The following DNAJB2 variants were observed in gnomAD, a reference collection of about 807,000 sequenced individuals.
DNAJB2 encodes the protein dnaJ homolog subfamily B member 2.
A neutral mutation model predicts 33.3 loss-of-function variants in DNAJB2; 19 were observed. That is an observed-to-expected ratio of 0.57 (90% CI 0.40 to 0.84). The LOEUF (loss-of-function observed/expected upper bound fraction) is 0.84. Ranked by LOEUF, DNAJB2 falls within the 40% of genes least tolerant of loss-of-function variation. DNAJB2 has a pLI of 0.00. For synonymous variants in DNAJB2, 172 were observed against 164.6 expected (o/e 1.04, Z -0.34); for missense variants, 368 against 430.9 (o/e 0.85, Z 1.29).
intron 3 of DNAJB2, 200 bp from the exon 4 acceptor site, chr2:219,281,518 C>G (rs1951903753): frequency 1.6e-6 from 1 of 619,366 alleles, no homozygotes; most frequent in Admixed American, 2.9e-5. Flanking sequence ...CAGCCATTTT[C>G]CAGATGAGAA....
Position 219,284,693 on chromosome 2 carries a change from C to A in DNAJB2, c.681C>A (p.Val227=). 1 of 1,610,900 alleles carries A rather than the reference C, an allele frequency of 6.2e-7. No individual in the cohort carries two copies. The highest frequency in any genetic ancestry group is 1.1e-5 in the South Asian group (1 of 90,996). The change falls in exon 9 of 9, where the codon GTC becomes GTA. Residue 227 remains valine (V), a synonymous_variant. Coordinates refer to ENST00000336576, the MANE Select transcript of DNAJB2 (RefSeq NM_006736.6). The stretch of plus-strand genomic sequence containing the variant: ...GCCGTCGCGAGCAGCAGCCGTCAGT[C>A]ACTTCCAGGTCTGGGGGCACTCAGG... ...ELSRREQQPS[V]TSRSGGTQVQ...
rs117458162 is a variant in DNAJB2 at position 219,280,560 on chromosome 2, T to C, written c.66-18T>C. ...GCATTTGTCCCCCGACTCTCTCCTCTGCACCCACTTTCTGCAGGTATCGGC... is the reference window on the plus strand; with the variant it reads ...GCATTTGTCCCCCGACTCTCTCCTCCGCACCCACTTTCTGCAGGTATCGGC... On this transcript the variant is annotated intron_variant, in intron 2 of 8. Coordinates refer to ENST00000336576, the MANE Select transcript of DNAJB2 (RefSeq NM_006736.6). The C allele has an allele frequency of 6.6e-5, 106 of 1,604,772 alleles. No homozygotes were observed. The East Asian group carries it at 2.2e-3, about 33-fold the overall frequency.
chr2:219,285,658 T>A lies in DNAJB2; in HGVS notation c.*671T>A, dbSNP rs981143973. ...CTGGGGCCGGTAGGGCTGTGAGATC[T>A]TCTGGGGAGGCTAGCCGGGTGGGGC... On this transcript the variant is annotated 3_prime_UTR_variant, in exon 9 of 9. Coordinates refer to ENST00000336576, the MANE Select transcript of DNAJB2 (RefSeq NM_006736.6). 1 of 1,159,976 alleles carries A rather than the reference T, an allele frequency of 8.6e-7. No individual in the cohort carries two copies. Among genetic ancestry groups the A allele is most frequent in the Non-Finnish European group, 1.1e-6 (1 of 938,874 alleles). The allele number at this position is 1,159,976 out of a possible 1,614,324, so 71.9% of individuals were successfully genotyped here.
rs1951950861 is a variant in DNAJB2, at chr2:219,285,884, G to A, written c.*897G>A. On this transcript the variant is annotated 3_prime_UTR_variant, in exon 9 of 9. Coordinates refer to ENST00000336576, the MANE Select transcript of DNAJB2 (RefSeq NM_006736.6). Reference sequence around the variant, plus strand: ...CTTCCCTACCACAAATCAGGGCTCAGGGAGAGGCCATGCGGCCAGCCCAGG... The same window carrying A: ...CTTCCCTACCACAAATCAGGGCTCAAGGAGAGGCCATGCGGCCAGCCCAGG... The A allele has an allele frequency of 6.4e-7, 1 of 1,552,554 alleles. No individual in the cohort carries two copies. Among genetic ancestry groups the A allele is most frequent in the Non-Finnish European group, 8.7e-7 (1 of 1,151,002 alleles).
chr2:219,279,655 G>T lies in DNAJB2; in HGVS notation c.-37+137G>T. 1.6e-6 allele frequency: 1 copy of T among 633,924 alleles called. No homozygotes were observed. The highest frequency in any genetic ancestry group is 2.7e-6 in the Non-Finnish European group (1 of 369,292). 39.3% of individuals were successfully genotyped at this position (633,924 alleles called of 1,614,324 possible). On this transcript the variant is annotated intron_variant, in intron 1 of 8. Coordinates refer to ENST00000336576, the MANE Select transcript of DNAJB2 (RefSeq NM_006736.6). This position sits in a 1 kb window ranked among gnomAD's most constrained non-coding sequence, Gnocchi z 4.9. ...TGCGGGGGCAGATAAGGCTGCCGGA[G>T]GGAGCCTAGTCACCGGCCGCAAGCA... is the stretch of plus-strand genomic sequence containing the variant.
chr2:219,281,719 G>A lies in DNAJB2; in HGVS notation c.177G>A (p.Lys59=). Residue 59 remains lysine, a splice_region_variant and synonymous_variant, in exon 4 of 9, where the codon AAG becomes AAA. Coordinates refer to ENST00000336576, the MANE Select transcript of DNAJB2 (RefSeq NM_006736.6). ...VAEAYEVLSD[K]HKREIYDRYG... is the part of the protein sequence containing the mutation. ...AAATGATCTGGTCTCTTTTTGCAGA[G>A]CACAAGCGGGAGATTTACGACCGCT... 2 of 1,614,002 alleles carry A rather than the reference G, an allele frequency of 1.2e-6. No individual in the cohort carries two copies. Among genetic ancestry groups the A allele is most frequent in the South Asian group, 1.1e-5 (1 of 91,086 alleles).
chr2:219,283,677 G>A (rs1951927838), intron 8 of DNAJB2, among the ~76,000 whole-genome samples, 188 bp downstream of exon 8: 1 of 152,338 alleles, frequency 6.6e-6, no homozygotes, highest in Non-Finnish European at 1.5e-5. Flanking sequence ...AGCCATCGCC[G>A]TCACTGTGAG....
In DNAJB2 at chr2:219,286,252, C is replaced by T; in HGVS notation, c.*1265C>T. ...GTGCCCGGCCTCATTTCTGATAGAT[C>T]CCGCTTGGGGGAGGTGGTGTATGGT... On this transcript the variant is annotated 3_prime_UTR_variant, in exon 9 of 9. Coordinates refer to ENST00000336576, the MANE Select transcript of DNAJB2 (RefSeq NM_006736.6). The T allele has an allele frequency of 4.0e-6, 2 of 503,628 alleles. No homozygotes were observed. Among genetic ancestry groups the T allele is most frequent in the Middle Eastern group, 5.3e-4 (1 of 1,884 alleles). The allele number at this position is 503,628 out of a possible 1,614,324, so 31.2% of individuals were successfully genotyped here.
rs569761030 is a variant in DNAJB2 at position 219,282,162 on chromosome 2, G to T, written c.352+101G>T. 1.5e-3 allele frequency: 2,451 copies of T among 1,594,044 alleles called. 1 individual carries two copies. Among genetic ancestry groups the T allele is most frequent in the Non-Finnish European group, 2.0e-3 (2,305 of 1,163,944 alleles). ...TGAGGTGGAAGGCTGAGAGGGGACG[G>T]GAATGCCACGGACAGAAGATTTTGT... On this transcript the variant is annotated intron_variant, in intron 5 of 8. Transcript: ENST00000336576.
In DNAJB2 at chr2:219,282,081, C is replaced by G. The variant is rs755259886; in HGVS notation, c.352+20C>G. The stretch of plus-strand genomic sequence containing the variant: ...TCTTTGGTGAGTGGACTCTGGAAGC[C>G]TCTGAATGGCTCAACTTCCCCCTCC... On this transcript the variant is annotated intron_variant, in intron 5 of 8. Coordinates refer to ENST00000336576, the MANE Select transcript of DNAJB2 (RefSeq NM_006736.6). The G allele has an allele frequency of 9.3e-6, 15 of 1,614,026 alleles. No homozygotes were observed. The South Asian group carries it at 1.4e-4, about 15-fold the overall frequency.
chr2:219,283,082 C>G, intron 6 of DNAJB2, 51 bp from the exon 7 acceptor site: 1 of 1,605,040 alleles, frequency 6.2e-7, no homozygotes, highest in Non-Finnish European at 8.5e-7. Flanking sequence ...CAACAGGCAG[C>G]GCAGTCTTCT....
chr2:219,281,750 C>T lies in DNAJB2; in HGVS notation c.208C>T (p.Arg70Trp), dbSNP rs773179867. Residue 70 changes from arginine (R) to tryptophan (W), a missense_variant, in exon 4 of 9, where the codon CGG (arginine) becomes TGG (tryptophan). Coordinates refer to ENST00000336576, the MANE Select transcript of DNAJB2 (RefSeq NM_006736.6). Reference sequence around the variant, plus strand: ...GCGGGAGATTTACGACCGCTATGGCCGGGAAGGGCTGACAGGGACAGGTAG... The same window carrying T: ...GCGGGAGATTTACGACCGCTATGGCTGGGAAGGGCTGACAGGGACAGGTAG... ...HKREIYDRYG[R>W]EGLTGTGTGP... is the part of the protein sequence containing the mutation. The T allele has an allele frequency of 1.3e-5, 21 of 1,613,896 alleles. No individual in the cohort carries two copies. The highest frequency in any genetic ancestry group is 6.7e-5 in the East Asian group (3 of 44,894).
At chr2:219,280,128 G>C in intron 2 of DNAJB2, 1 of 562,798 alleles carries the variant, frequency 1.8e-6, no homozygotes, top group Middle Eastern at 3.2e-4. Context: ...TGTGTTATGG[G>C]TTGTTCTCCA....
In DNAJB2 at chr2:219,286,225, G is replaced by GGCACACCGCACTC; in HGVS notation, c.*1238_*1239insGCACACCGCACTC. 1.8e-6 allele frequency: 1 copy of GGCACACCGCACTC among 553,604 alleles called. No individual in the cohort carries two copies. The highest frequency in any genetic ancestry group is 3.2e-6 in the Non-Finnish European group (1 of 316,440). The allele number at this position is 553,604 out of a possible 1,614,324, so 34.3% of individuals were successfully genotyped here. A position where few individuals can be genotyped will look rare whatever the true frequency, so the allele number is the denominator to read the frequency against. On this transcript the variant is annotated 3_prime_UTR_variant, in exon 9 of 9. Transcript: ENST00000336576. ...TGGGGACTACAAATCCCAGAGTGCG[G>GGCACACCGCACTC]TGTGCCCGGCCTCATTTCTGATAGA... is the stretch of plus-strand genomic sequence containing the variant.
At position 219,285,650 on chromosome 2, in the gene DNAJB2, G is replaced by C. The variant is rs1185160785; in HGVS notation, c.*663G>C. On this transcript the variant is annotated 3_prime_UTR_variant, in exon 9 of 9. Coordinates refer to ENST00000336576, the MANE Select transcript of DNAJB2 (RefSeq NM_006736.6). Reference sequence around the variant, plus strand: ...GGAAGATGCTGGGGCCGGTAGGGCTGTGAGATCTTCTGGGGAGGCTAGCCG... The same window carrying C: ...GGAAGATGCTGGGGCCGGTAGGGCTCTGAGATCTTCTGGGGAGGCTAGCCG... 7.0e-6 allele frequency: 8 copies of C among 1,147,602 alleles called. No homozygotes were observed. Among genetic ancestry groups the C allele is most frequent in the African/African-American group, 1.6e-5 (1 of 63,092 alleles). The allele number at this position is 1,147,602 out of a possible 1,614,324, so 71.1% of individuals were successfully genotyped here. A position where few individuals can be genotyped will look rare whatever the true frequency, so the allele number is the denominator to read the frequency against.
chr2:219,281,996 T>TC lies in DNAJB2; in HGVS notation c.289dup (p.Arg97ProfsTer22). ...GGTGGGCCTGGCTTCACCTTCACCT[T>TC]CCGCAGCCCCGAGGAGGTCTTCCGG... On this transcript the variant is annotated frameshift_variant, in exon 5 of 9. Transcript: ENST00000336576. LOFTEE classifies it high-confidence loss of function. The TC allele has an allele frequency of 6.2e-7, 1 of 1,614,168 alleles. No homozygotes were observed. Among genetic ancestry groups the TC allele is most frequent in the South Asian group, 1.1e-5 (1 of 91,082 alleles).
rs1450485410 is a variant in DNAJB2, at chr2:219,285,731, C to T, written c.*744C>T. ...TTCAGAACTGGAGCCCACTCCTCCT[C>T]CCTCTCGTTGCCTCAGCCTGCCCTC... On this transcript the variant is annotated 3_prime_UTR_variant, in exon 9 of 9. Transcript: ENST00000336576. The T allele has an allele frequency of 7.9e-7, 1 of 1,271,648 alleles. No homozygotes were observed. The highest frequency in any genetic ancestry group is 1.5e-5 in the African/African-American group (1 of 66,834). The allele number at this position is 1,271,648 out of a possible 1,614,324, so 78.8% of individuals were successfully genotyped here. A position where few individuals can be genotyped will look rare whatever the true frequency, so the allele number is the denominator to read the frequency against.
Position 219,283,500 on chromosome 2 carries a change from G to T in DNAJB2, c.619+11G>T. 6.2e-7 allele frequency: 1 copy of T among 1,611,812 alleles called. No individual in the cohort carries two copies. Among genetic ancestry groups the T allele is most frequent in the Non-Finnish European group, 8.5e-7 (1 of 1,178,852 alleles). ...CAGTCACAATCAATGGTGAGGAGCA[G>T]CTCCCCTACCCAGCCCCTGGCAGGA... On this transcript the variant is annotated intron_variant, in intron 8 of 8. Transcript: ENST00000336576.
In DNAJB2 at chr2:219,283,320, G is replaced by T. The variant is rs1553575281; in HGVS notation, c.548+85G>T. 4.4e-6 allele frequency: 7 copies of T among 1,607,226 alleles called. No individual in the cohort carries two copies. In the South Asian group the frequency reaches 7.7e-5, roughly 18 times the overall value. On this transcript the variant is annotated intron_variant, in intron 7 of 8. Coordinates refer to ENST00000336576, the MANE Select transcript of DNAJB2 (RefSeq NM_006736.6). Reference sequence around the variant, plus strand: ...ATAGAAAGTTGGCTCCTTGAGGGCAGGGCCCAGTCTGCGCTCTCTACTGCG... The same window carrying T: ...ATAGAAAGTTGGCTCCTTGAGGGCATGGCCCAGTCTGCGCTCTCTACTGCG...
Sources: allele counts gnomAD v4.1 joint callset (sites outside exome capture counted in the v4.1 genomes callset), GRCh38; gene constraint gnomAD v4.1.1; non-coding constraint Gnocchi (gnomAD v3.1); transcripts MANE v1.5; gene names NCBI Gene and HGNC (gene_info 2026-07-23, HGNC 2026-07-21).